CDH12: variants seen among roughly 807,000 people sequenced by gnomAD.
CDH12 encodes cadherin-12.
Under a neutral mutation model 74.1 loss-of-function variants are expected in CDH12, and 41 were observed. The observed-to-expected ratio is 0.55, with a 90% CI of 0.43 to 0.72. The LOEUF (loss-of-function observed/expected upper bound fraction) is 0.72. CDH12 is among the 30% of genes least tolerant of loss of function. The pLI is 0.00. For synonymous variants in CDH12, 399 were observed against 355.0 expected, an observed-to-expected ratio of 1.12 and a Z score of -1.39; for missense variants, 945 against 977.2, an observed-to-expected ratio of 0.97 and a Z score of 0.44.
At chr5:22,103,538 G>C (rs1744266788) in intron 4 of CDH12, among the ~76,000 whole-genome samples, 1 of 152,128 alleles carries the variant, frequency 6.6e-6, no homozygotes, top group African/African-American at 2.4e-5. Context: ...AAATTGCATT[G>C]TGTTCCTTCT....
chr5:22,460,830 C>T (rs537125542), intron 2 of CDH12, among the ~76,000 whole-genome samples: 1 of 141,346 alleles, frequency 7.1e-6, no homozygotes, highest in Admixed American at 7.6e-5. Context: ...AAGTGATTCT[C>T]CTGCCTTGAT....
intron 6 of CDH12, among the ~76,000 whole-genome samples, chr5:21,892,688 T>G (rs2150045702): frequency 6.6e-6 from 1 of 152,274 alleles, no homozygotes; most frequent in African/African-American, 2.4e-5. Context: ...CCTACAATAC[T>G]AAATCTTTTG....
chr5:22,064,922 G>C (rs1347999334), intron 5 of CDH12, among the ~76,000 whole-genome samples: 1 of 152,104 alleles, frequency 6.6e-6, no homozygotes, highest in African/African-American at 2.4e-5. Context: ...TGAGTTCCTA[G>C]CCTATGTGTC....
chr5:22,063,982 T>G (rs1017584058), intron 5 of CDH12, among the ~76,000 whole-genome samples: 3 of 118,638 alleles, frequency 2.5e-5, no homozygotes, highest in African/African-American at 9.5e-5. Flanking sequence ...CATGCAATTA[T>G]GGAGATACAC....
rs190691472 is a variant in CDH12, at chr5:21,758,482, T to C, written c.1633+2076A>G. Among the ~76,000 whole-genome samples, 449 of 152,310 alleles carry C rather than the reference T, an allele frequency of 2.9e-3. 2 individuals are homozygous for C. Among genetic ancestry groups the C allele is most frequent in the African/African-American group, 0.01 (423 of 41,580 alleles). ...CAATACAATTTGTTCACTTGTTCTA[T>C]ATGCATAGAATTTATAAAAATTTAT... On this transcript the variant is annotated intron_variant, in intron 13 of 14. Coordinates refer to ENST00000382254, the MANE Select transcript of CDH12 (RefSeq NM_004061.5).
chr5:21,771,915 G>T (rs976816198), intron 11 of CDH12, among the ~76,000 whole-genome samples: 5 of 152,106 alleles, frequency 3.3e-5, no homozygotes, highest in Admixed American at 1.3e-4. Context: ...ATGAAATTTG[G>T]TATCTTATTG....
chr5:22,286,290 A>G (rs1447614641), intron 3 of CDH12, among the ~76,000 whole-genome samples: 1 of 152,210 alleles, frequency 6.6e-6, no homozygotes, highest in African/African-American at 2.4e-5. Flanking sequence ...CAATTTTTGC[A>G]ATAATTTTCT....
At chr5:21,802,660 C>G (rs183341195) in intron 9 of CDH12, among the ~76,000 whole-genome samples, 2 of 132,752 alleles carry the variant, frequency 1.5e-5, no homozygotes, top group Admixed American at 8.6e-5. Context: ...GGTGTGATCT[C>G]GGCTCACTGC....
At chr5:21,869,289 A>C (rs1030859689) in intron 6 of CDH12, among the ~76,000 whole-genome samples, 1 of 152,160 alleles carries the variant, frequency 6.6e-6, no homozygotes, top group Admixed American at 6.5e-5. Flanking sequence ...GGGAAGTTAC[A>C]ATAATTCAAT....
intron 1 of CDH12, among the ~76,000 whole-genome samples, chr5:22,655,704 T>C (rs975677373): frequency 6.6e-6 from 1 of 152,204 alleles, no homozygotes; most frequent in African/African-American, 2.4e-5. Flanking sequence ...AGTGCCTGCA[T>C]TCCCTTTTAG....
chr5:22,772,902 C>A (rs1223836346), intron 1 of CDH12, among the ~76,000 whole-genome samples: 1 of 151,864 alleles, frequency 6.6e-6, no homozygotes, highest in African/African-American at 2.4e-5. Flanking sequence ...ATCTCATATA[C>A]AATAGCTACA....
chr5:22,754,317 G>C (rs928969838), intron 1 of CDH12, among the ~76,000 whole-genome samples: 2 of 152,184 alleles, frequency 1.3e-5, no homozygotes, highest in Admixed American at 1.3e-4. Context: ...ATAGGAGCCT[G>C]TTCTAAGTAC....
At chr5:21,994,767 G>A (rs1468218483) in intron 5 of CDH12, among the ~76,000 whole-genome samples, 1 of 152,146 alleles carries the variant, frequency 6.6e-6, no homozygotes, top group African/African-American at 2.4e-5. Context: ...CTAAACGATT[G>A]TAAACACACC....
In CDH12 at chr5:21,918,726, G is replaced by A. The variant is rs146319329; in HGVS notation, c.526+56365C>T. On this transcript the variant is annotated intron_variant, in intron 6 of 14. Transcript: ENST00000382254. Reference sequence around the variant, plus strand: ...CCACTCTTGACACATGGTGATTATGGAGATTATAATTCAAGTTGAGTTTTG... The same window carrying A: ...CCACTCTTGACACATGGTGATTATGAAGATTATAATTCAAGTTGAGTTTTG... 4.5e-3 allele frequency among the ~76,000 whole-genome samples: 684 copies of A among 152,196 alleles called. 4 individuals are homozygous for A. The highest frequency in any genetic ancestry group is 7.0e-3 in the Non-Finnish European group (474 of 68,008).
At chr5:22,451,212 GGATGTCTAA>G (rs1745029602) in intron 2 of CDH12, among the ~76,000 whole-genome samples, 1 of 151,764 alleles carries the variant, frequency 6.6e-6, no homozygotes, top group Admixed American at 6.6e-5. Context: ...GGTGTATGGT[GGATGTCTAA>G]TATATAGAGA....
intron 1 of CDH12, among the ~76,000 whole-genome samples, chr5:22,801,642 T>TC (rs1748522256): frequency 5.5e-5 from 1 of 18,194 alleles, no homozygotes; most frequent in Non-Finnish European, 1.2e-4. Flanking sequence ...TTATCATATA[T>TC]ATATATATAT....
At chr5:22,008,472 G>A (rs1338045139) in intron 5 of CDH12, among the ~76,000 whole-genome samples, 10 of 151,988 alleles carry the variant, frequency 6.6e-5, no homozygotes, top group African/African-American at 2.2e-4. Flanking sequence ...CAAGTGATCC[G>A]CCCACCTCTG....
At chr5:21,961,832 T>C (rs183663192) in intron 6 of CDH12, among the ~76,000 whole-genome samples, 3 of 152,148 alleles carry the variant, frequency 2.0e-5, no homozygotes, top group Non-Finnish European at 4.4e-5. Flanking sequence ...GCACCTAGTT[T>C]ATGGTACTTT....
chr5:22,272,494 A>G (rs1736441870), intron 3 of CDH12, among the ~76,000 whole-genome samples: 1 of 152,198 alleles, frequency 6.6e-6, no homozygotes, highest in Admixed American at 6.5e-5. Context: ...TTTTGAATTC[A>G]CAATTTAGAA....
Sources: allele counts gnomAD v4.1 joint callset (sites outside exome capture counted in the v4.1 genomes callset), GRCh38; gene constraint gnomAD v4.1.1; transcripts MANE v1.5; gene names NCBI Gene and HGNC (gene_info 2026-07-23, HGNC 2026-07-21).